HDAC4: variants seen among roughly 807,000 people sequenced by gnomAD.
HDAC4 encodes the protein histone deacetylase 4, also known as histone deacetylase A.
A neutral mutation model predicts 135.1 loss-of-function variants in HDAC4; 16 were observed. That is an observed-to-expected ratio of 0.12 (90% CI 0.08 to 0.18). The LOEUF (loss-of-function observed/expected upper bound fraction) is 0.18, where lower values mean the gene tolerates loss of function less well. HDAC4 is among the 10% of genes least tolerant of loss of function. The probability of loss-of-function intolerance (pLI) is 1.00; values close to 1 mark genes in which losing one functional copy is unlikely to be tolerated. For missense variants in HDAC4, 1,143 were observed against 1,511.8 expected, an observed-to-expected ratio of 0.76 and a Z score of 4.05; for synonymous variants, 685 against 653.4, an observed-to-expected ratio of 1.05 and a Z score of -0.74.
At chr2:239,213,958 T>C (rs1405943435) in intron 3 of HDAC4, among the ~76,000 whole-genome samples, 1 of 152,246 alleles carries the variant, frequency 6.6e-6, no homozygotes, top group Non-Finnish European at 1.5e-5. Context: ...TAGAGAAATC[T>C]GCCTAGGTCA....
chr2:239,238,975 C>T (rs1173910273), intron 2 of HDAC4, among the ~76,000 whole-genome samples: 4 of 152,172 alleles, frequency 2.6e-5, no homozygotes, highest in Admixed American at 2.0e-4. Flanking sequence ...AGGAGAATGC[C>T]GTTCGATAAC....
chr2:239,210,718 G>A (rs1430054966), intron 3 of HDAC4, among the ~76,000 whole-genome samples: 3 of 152,126 alleles, frequency 2.0e-5, no homozygotes, highest in African/African-American at 7.2e-5. Flanking sequence ...ACAGAGTGAC[G>A]GCACAAAATC....
intron 5 of HDAC4, 114 bp from the exon 6 acceptor site, chr2:239,164,037 A>G: frequency 2.3e-6 from 3 of 1,327,868 alleles, no homozygotes; most frequent in Non-Finnish European, 3.2e-6. Context: ...ATGCACCTTC[A>G]GGACGCTGTG....
At chr2:239,151,413 C>T (rs531834894) in intron 7 of HDAC4, among the ~76,000 whole-genome samples, 71 of 152,324 alleles carry the variant, frequency 4.7e-4, no homozygotes, top group African/African-American at 1.7e-3. Context: ...CAGCTTCCCC[C>T]CAAAATGGAG....
At chr2:239,246,663 C>T (rs1005689890) in intron 2 of HDAC4, among the ~76,000 whole-genome samples, 6 of 152,244 alleles carry the variant, frequency 3.9e-5, no homozygotes, top group Admixed American at 1.3e-4. Context: ...CTCTCCTAGA[C>T]GGTTCTGCAG....
At chr2:239,298,287 G>A (rs1031664130) in intron 2 of HDAC4, 49 of 1,257,370 alleles carry the variant, frequency 3.9e-5, no homozygotes, top group Middle Eastern at 2.3e-4. Context: ...CTGGACAAGC[G>A]GTGGCTTCCA....
intron 2 of HDAC4, among the ~76,000 whole-genome samples, chr2:239,298,954 C>T (rs549749416): frequency 8.1e-5 from 12 of 149,040 alleles, no homozygotes; most frequent in Non-Finnish European, 1.3e-4. Flanking sequence ...CTGCAAGCTC[C>T]GCCTCCCGGG....
At chr2:239,367,161 C>T (rs770572268) in intron 1 of HDAC4, among the ~76,000 whole-genome samples, 1 of 152,146 alleles carries the variant, frequency 6.6e-6, no homozygotes, top group African/African-American at 2.4e-5. Context: ...TCCCCGAGAC[C>T]TTTACAAGAG....
Position 239,224,864 on chromosome 2 carries a change from T to C in HDAC4, c.94+11729A>G, listed in dbSNP as rs75314756. Among the ~76,000 whole-genome samples the C allele has an allele frequency of 8.8e-3, 1,336 of 152,334 alleles. 22 individuals carry two copies. Among genetic ancestry groups the C allele is most frequent in the African/African-American group, 0.031 (1,286 of 41,580 alleles). On this transcript the variant is annotated intron_variant, in intron 3 of 26. Coordinates refer to ENST00000543185, the MANE Select transcript of HDAC4 (RefSeq NM_001378414.1). ...TTCTCGCCTCTCACATGTTCTAATA[T>C]TGTAGGTAATTTACAATCAATAAGC...
chr2:239,054,703 A>AC (rs759421353), intron 25 of HDAC4, 46 bp downstream of exon 25: 20 of 1,247,244 alleles, frequency 1.6e-5, no homozygotes, highest in Non-Finnish European at 2.1e-5. Context: ...GTGCAGTCCC[A>AC]CCCCCAGGGG....
intron 19 of HDAC4, 131 bp from the exon 20 acceptor site, chr2:239,084,373 C>T (rs574111311): frequency 1.3e-5 from 9 of 697,264 alleles, no homozygotes; most frequent in East Asian, 5.5e-5. Context: ...CTCCTGAATA[C>T]GTCGCAGGGA....
rs1336126572 is a variant in HDAC4, at chr2:239,308,008, G to A, written c.22+44670C>T. On this transcript the variant is annotated intron_variant, in intron 2 of 26. Coordinates refer to ENST00000543185, the MANE Select transcript of HDAC4 (RefSeq NM_001378414.1). This position sits in a 1 kb window ranked among gnomAD's most constrained non-coding sequence, Gnocchi z 4.2. ...AAAGTGAGCGGCCACACAGCAATGA[G>A]TGGCCACACAGCAACGAGCTGCGAG... 1.3e-5 allele frequency among the ~76,000 whole-genome samples: 2 copies of A among 152,174 alleles called. No homozygotes were observed. Among genetic ancestry groups the A allele is most frequent in the Admixed American group, 6.5e-5 (1 of 15,290 alleles).
Position 239,102,847 on chromosome 2 carries a change from G to A in HDAC4, c.2162C>T (p.Ser721Leu), listed in dbSNP as rs746736341. The A allele has an allele frequency of 8.1e-6, 13 of 1,613,862 alleles. No individual in the cohort carries two copies. Among genetic ancestry groups the A allele is most frequent in the African/African-American group, 1.3e-5 (1 of 74,920 alleles). ...ATLEELQTVH[S>L]EAHTLLYGTN... ...GCCATACAGGAGGGTGTGGGCTTCCGAGTGCACCGTCTGTAGCTCCTCCAG... is the reference window on the plus strand; with the variant it reads ...GCCATACAGGAGGGTGTGGGCTTCCAAGTGCACCGTCTGTAGCTCCTCCAG... The change falls in exon 16 of 27, where the codon TCG (serine) becomes TTG (leucine). Residue 721 changes from serine to leucine, a missense_variant. Physicochemically the swap from Ser to Leu is moderately radical, Grantham distance 145. Coordinates refer to ENST00000543185, the MANE Select transcript of HDAC4 (RefSeq NM_001378414.1).
At chr2:239,205,685 A>T (rs1168678647) in intron 3 of HDAC4, among the ~76,000 whole-genome samples, 1 of 151,894 alleles carries the variant, frequency 6.6e-6, no homozygotes, top group African/African-American at 2.4e-5. Flanking sequence ...AAGAAGAAGG[A>T]AGAGGAGGAG....
intron 11 of HDAC4, among the ~76,000 whole-genome samples, chr2:239,128,153 A>G: frequency 6.6e-6 from 1 of 152,224 alleles, no homozygotes; most frequent in African/African-American, 2.4e-5. Flanking sequence ...CTTAAATTTT[A>G]TCATCAATGC....
chr2:239,168,720 C>T (rs1043286488), intron 5 of HDAC4, among the ~76,000 whole-genome samples: 3 of 152,220 alleles, frequency 2.0e-5, no homozygotes, highest in South Asian at 2.1e-4. Context: ...GCTTGGGCCC[C>T]GCTTACATAA....
intron 8 of HDAC4, chr2:239,140,757 T>G: frequency 3.4e-6 from 1 of 294,816 alleles, no homozygotes; most frequent in Non-Finnish European, 7.2e-6. Context: ...GGTTAAGGGA[T>G]GTTTTCCCCA....
At position 239,400,605 on chromosome 2, in the gene HDAC4, C is replaced by T. The variant is rs1696913317; in HGVS notation, c.-220+373G>A. 1 of 146,354 alleles carries T rather than the reference C, an allele frequency of 6.8e-6. No homozygotes were observed. Among genetic ancestry groups the T allele is most frequent in the South Asian group, 2.0e-4 (1 of 5,074 alleles). The allele number at this position is 146,354 out of a possible 1,614,324, so 9.1% of individuals were successfully genotyped here. A position where few individuals can be genotyped will look rare whatever the true frequency, so the allele number is the denominator to read the frequency against. On this transcript the variant is annotated intron_variant, in intron 1 of 26. Transcript: ENST00000543185. The surrounding 1 kb of genome is among the most constrained non-coding windows in gnomAD (Gnocchi z 4.7). ...GTGTGGACCGGCGGCGTCCACCTGC[C>T]GCGGGCTCCAAGGCCTGCAGGCTGC...
At chr2:239,369,913 T>C (rs977047367) in intron 1 of HDAC4, among the ~76,000 whole-genome samples, 2 of 152,260 alleles carry the variant, frequency 1.3e-5, no homozygotes, top group Admixed American at 6.5e-5. Context: ...CGTCATGCCC[T>C]GATGGGAACT....
Sources: allele counts gnomAD v4.1 joint callset (sites outside exome capture counted in the v4.1 genomes callset), GRCh38; gene constraint gnomAD v4.1.1; non-coding constraint Gnocchi (gnomAD v3.1); transcripts MANE v1.5; gene names NCBI Gene and HGNC (gene_info 2026-07-23, HGNC 2026-07-21).